Variants in CTNNA2 observed in about 807,000 individuals in gnomAD.
CTNNA2 encodes the protein catenin alpha-2.
In CTNNA2, 42 loss-of-function variants were observed where a neutral mutation model predicts 101.0. That is an observed-to-expected ratio of 0.42 (90% CI 0.32 to 0.54). The LOEUF is 0.54. Ranked by LOEUF, CTNNA2 falls within the 20% of genes least tolerant of loss-of-function variation. The pLI, the probability that CTNNA2 is intolerant of heterozygous loss-of-function variation, is 0.14. For synonymous variants in CTNNA2, 450 were observed against 456.4 expected (o/e 0.99, Z 0.18); for missense variants, 871 against 1,223.1 (o/e 0.71, Z 4.29).
chr2:80,496,770 A>G (rs1416211333), intron 9 of CTNNA2, among the ~76,000 whole-genome samples: 1 of 152,210 alleles, frequency 6.6e-6, no homozygotes, highest in Non-Finnish European at 1.5e-5. Flanking sequence ...TGCTCAAACA[A>G]TTGAATTTAT....
chr2:79,439,380 CAG>C (rs975911820), intron 4 of CTNNA2, among the ~76,000 whole-genome samples: 31 of 152,124 alleles, frequency 2.0e-4, no homozygotes, highest in African/African-American at 7.0e-4. Flanking sequence ...TCCATAGAAA[CAG>C]AAAGTGGATT....
At chr2:80,341,027 C>T (rs1467601018) in intron 7 of CTNNA2, among the ~76,000 whole-genome samples, 1 of 152,124 alleles carries the variant, frequency 6.6e-6, no homozygotes, top group Non-Finnish European at 1.5e-5. Context: ...TGAAGGAGTA[C>T]ACAGGGCAAG....
chr2:79,501,504 T>G (rs1282690607), intron 4 of CTNNA2, among the ~76,000 whole-genome samples: 1 of 152,204 alleles, frequency 6.6e-6, no homozygotes, highest in Non-Finnish European at 1.5e-5. Flanking sequence ...TGCATTCAAC[T>G]GCCGTAATAG....
intron 4 of CTNNA2, among the ~76,000 whole-genome samples, chr2:79,863,925 C>T (rs924269281): frequency 7.2e-5 from 11 of 152,116 alleles, no homozygotes; most frequent in African/African-American, 2.4e-4. Context: ...CAGAATTGCA[C>T]AGCGGGGCAT....
At chr2:80,275,723 A>G (rs935315019) in intron 7 of CTNNA2, among the ~76,000 whole-genome samples, 3 of 152,168 alleles carry the variant, frequency 2.0e-5, no homozygotes, top group Non-Finnish European at 4.4e-5. Context: ...AAAGAGAGAG[A>G]GAGAGAGAAT....
intron 14 of CTNNA2, among the ~76,000 whole-genome samples, chr2:80,587,787 A>C (rs1394641139): frequency 6.6e-6 from 1 of 152,216 alleles, no homozygotes; most frequent in Non-Finnish European, 1.5e-5. Flanking sequence ...TATGGAAAAT[A>C]TGTGCATCCT....
chr2:79,272,789 T>G (rs1471362283), intron 2 of CTNNA2, among the ~76,000 whole-genome samples: 1 of 152,118 alleles, frequency 6.6e-6, no homozygotes, highest in Admixed American at 6.6e-5. Context: ...TCTGTTTTTG[T>G]CTTGTTTTCA....
chr2:80,111,335 G>A (rs975072304), intron 7 of CTNNA2, among the ~76,000 whole-genome samples: 1 of 152,174 alleles, frequency 6.6e-6, no homozygotes, highest in Non-Finnish European at 1.5e-5. Flanking sequence ...GTGCCTGCCT[G>A]GGGGCTATGA....
At chr2:79,880,170 A>T (rs1037548630) in intron 6 of CTNNA2, among the ~76,000 whole-genome samples, 1 of 152,282 alleles carries the variant, frequency 6.6e-6, no homozygotes, top group South Asian at 2.1e-4. Flanking sequence ...GATGAAGCTG[A>T]CTTGGTCATG....
intron 7 of CTNNA2, among the ~76,000 whole-genome samples, chr2:79,928,272 T>G (rs992665030): frequency 6.6e-6 from 1 of 152,184 alleles, no homozygotes; most frequent in African/African-American, 2.4e-5. Flanking sequence ...TTAATTGTCA[T>G]GCACTTTGTT....
intron 7 of CTNNA2, among the ~76,000 whole-genome samples, chr2:80,031,003 T>C (rs185470820): frequency 6.6e-6 from 1 of 152,344 alleles, no homozygotes; most frequent in East Asian, 1.9e-4. Context: ...AATTTCATGA[T>C]AGGATCATTA....
At chr2:80,585,082 C>T (rs1437339596) in intron 14 of CTNNA2, among the ~76,000 whole-genome samples, 2 of 152,054 alleles carry the variant, frequency 1.3e-5, no homozygotes, top group East Asian at 3.9e-4. Context: ...TATAAACATT[C>T]TTGTACTTGA....
At chr2:80,332,863 C>A (rs1671455326) in intron 7 of CTNNA2, among the ~76,000 whole-genome samples, 1 of 152,146 alleles carries the variant, frequency 6.6e-6, no homozygotes, top group Non-Finnish European at 1.5e-5. Context: ...AAGCCAAATT[C>A]AGCTGCTGCC....
intron 9 of CTNNA2, among the ~76,000 whole-genome samples, chr2:80,495,923 G>C (rs1687420019): frequency 9.1e-6 from 1 of 109,896 alleles, no homozygotes; most frequent in African/African-American, 3.5e-5. Flanking sequence ...CTGGGCGGCA[G>C]AGCAAGACTC....
intron 9 of CTNNA2, among the ~76,000 whole-genome samples, chr2:80,530,738 AC>A (rs1299397528): frequency 6.6e-6 from 1 of 152,178 alleles, no homozygotes; most frequent in Non-Finnish European, 1.5e-5. Context: ...TGAGCCTAAG[AC>A]AGCAGATATG....
intron 4 of CTNNA2, among the ~76,000 whole-genome samples, chr2:79,422,612 G>T (rs187344702): frequency 6.6e-6 from 1 of 152,246 alleles, no homozygotes; most frequent in Admixed American, 6.5e-5. Flanking sequence ...AAAAACAAAA[G>T]GGGGTACCAT....
chr2:79,499,034 C>T (rs777337646), intron 4 of CTNNA2: 5 of 152,178 alleles, frequency 3.3e-5, no homozygotes, highest in Non-Finnish European at 7.3e-5. Flanking sequence ...TGATTCTTTC[C>T]AATCACCTTT....
At chr2:79,462,242 T>C (rs1277847512) in intron 4 of CTNNA2, among the ~76,000 whole-genome samples, 1 of 152,186 alleles carries the variant, frequency 6.6e-6, no homozygotes, top group African/African-American at 2.4e-5. Flanking sequence ...CAGAAAAATA[T>C]TATCAGATAT....
intron 1 of CTNNA2, among the ~76,000 whole-genome samples, chr2:79,553,037 A>G (rs1024815079): frequency 2.0e-5 from 3 of 152,122 alleles, no homozygotes; most frequent in African/African-American, 7.2e-5. Flanking sequence ...TTTCTACCAC[A>G]TGGCCAGGTT....
Sources: allele counts gnomAD v4.1 joint callset (sites outside exome capture counted in the v4.1 genomes callset), GRCh38; gene constraint gnomAD v4.1.1; transcripts MANE v1.5; gene names NCBI Gene and HGNC (gene_info 2026-07-23, HGNC 2026-07-21).